The following ARHGAP39 variants were observed in gnomAD, a reference collection of about 807,000 sequenced individuals.
ARHGAP39 encodes the protein rho GTPase-activating protein 39.
ARHGAP39 carries 44 observed loss-of-function variants against 106.9 expected under a neutral mutation model. The ratio of observed to expected loss-of-function variants is 0.41; its 90% CI spans 0.32 to 0.53. The LOEUF is 0.53. Among genes scored for constraint, ARHGAP39 ranks in the 20% least tolerant of loss-of-function variants. ARHGAP39 has a pLI of 0.21. For synonymous variants in ARHGAP39, 768 were observed against 693.2 expected (o/e 1.11, Z -1.69); for missense variants, 1,496 against 1,577.3 (o/e 0.95, Z 0.87).
chr8:144,696,385 C>T, the ARHGAP39 span, among the ~76,000 whole-genome samples: 3 of 152,150 alleles, frequency 2.0e-5, no homozygotes, highest in Non-Finnish European at 4.4e-5. Context: ...GTGATCCACC[C>T]GCCTTGGCCT....
chr8:144,636,030 C>A (rs182826708), intron 1 of ARHGAP39, among the ~76,000 whole-genome samples: 1 of 109,286 alleles, frequency 9.2e-6, no homozygotes, highest in East Asian at 2.7e-4. Flanking sequence ...AGTGTGGGGA[C>A]TGAATTAGAG....
intron 4 of ARHGAP39, among the ~76,000 whole-genome samples, chr8:144,553,079 G>A (rs1817779556): frequency 6.6e-6 from 1 of 152,202 alleles, no homozygotes; most frequent in Non-Finnish European, 1.5e-5. Flanking sequence ...GCATGGCTGT[G>A]GCAGCTCACA....
chr8:144,550,729 G>T (rs1817659654), intron 4 of ARHGAP39, among the ~76,000 whole-genome samples: 1 of 152,370 alleles, frequency 6.6e-6, no homozygotes, highest in Admixed American at 6.5e-5. Flanking sequence ...GCTGGAGACT[G>T]CTCCCAGCCT....
chr8:144,560,495 A>G (rs552061207), intron 3 of ARHGAP39, among the ~76,000 whole-genome samples: 1 of 152,390 alleles, frequency 6.6e-6, no homozygotes, highest in Admixed American at 6.5e-5. Flanking sequence ...GGTGGTCAAT[A>G]TCTTCAAACA....
At chr8:144,545,936 C>T (rs1817401438) in intron 5 of ARHGAP39, 126 bp from the exon 6 acceptor site, 2 of 768,962 alleles carry the variant, frequency 2.6e-6, no homozygotes, top group Non-Finnish European at 4.0e-6. Flanking sequence ...GAGAGCCCTG[C>T]CCTGCTCACC....
the ARHGAP39 span, among the ~76,000 whole-genome samples, chr8:144,691,463 G>A: frequency 1.3e-5 from 2 of 152,172 alleles, no homozygotes; most frequent in African/African-American, 4.8e-5. Context: ...AGAGAACAGC[G>A]AAAGTGAGAC....
At chr8:144,531,073 G>C (rs1816690688) in intron 10 of ARHGAP39, among the ~76,000 whole-genome samples, 1 of 152,240 alleles carries the variant, frequency 6.6e-6, no homozygotes, top group African/African-American at 2.4e-5. Flanking sequence ...CTCGATCCTG[G>C]AGGCATGTGG....
intron 3 of ARHGAP39, among the ~76,000 whole-genome samples, chr8:144,562,041 GACTT>G (rs1418507902): frequency 2.3e-5 from 3 of 129,274 alleles, no homozygotes; most frequent in East Asian, 2.1e-4. Context: ...GTTTCCATCG[GACTT>G]ACTCCAGTGG....
At chr8:144,651,330 A>G (rs1821568433) in intron 1 of ARHGAP39, among the ~76,000 whole-genome samples, 1 of 152,212 alleles carries the variant, frequency 6.6e-6, no homozygotes, top group Non-Finnish European at 1.5e-5. Context: ...GCCATAATGT[A>G]CAAAGAAATT....
intron 8 of ARHGAP39, 45 bp from the exon 9 acceptor site, chr8:144,533,370 AG>A: frequency 6.3e-7 from 1 of 1,581,400 alleles, no homozygotes. Flanking sequence ...GGCCATCCTC[AG>A]GACCCCCCGC....
In ARHGAP39 at chr8:144,614,981, C is replaced by A. The variant is rs192464273; in HGVS notation, c.-81-9286G>T. Reference sequence around the variant, plus strand: ...CAATGATCAGTATGATGTTGAAAAACTAAGAGGAATCCTCAGCCCATCCTT... The same window carrying A: ...CAATGATCAGTATGATGTTGAAAAAATAAGAGGAATCCTCAGCCCATCCTT... On this transcript the variant is annotated intron_variant, in intron 1 of 11. Transcript: ENST00000377307. Among the ~76,000 whole-genome samples, 5 of 152,328 alleles carry A rather than the reference C, an allele frequency of 3.3e-5. No individual in the cohort carries two copies. In the East Asian group the frequency reaches 9.6e-4, roughly 29 times the overall value.
chr8:144,684,393 C>G lies in ARHGAP39; in HGVS notation c.-82+1293G>C, dbSNP rs1246629173. Among the ~76,000 whole-genome samples the G allele has an allele frequency of 6.6e-6, 1 of 152,230 alleles. No individual in the cohort carries two copies. Among genetic ancestry groups the G allele is most frequent in the Non-Finnish European group, 1.5e-5 (1 of 68,044 alleles). On this transcript the variant is annotated intron_variant, in intron 1 of 11. Transcript: ENST00000377307. This position sits in a 1 kb window ranked among gnomAD's most constrained non-coding sequence, Gnocchi z 4.4. Reference sequence around the variant, plus strand: ...TCTATAGAGGGCACCTAGGACGCAGCGTCCAATTCCCCTCACTGGCTTCAA... The same window carrying G: ...TCTATAGAGGGCACCTAGGACGCAGGGTCCAATTCCCCTCACTGGCTTCAA...
At chr8:144,566,613 T>G (rs938412917) in intron 3 of ARHGAP39, among the ~76,000 whole-genome samples, 1 of 152,138 alleles carries the variant, frequency 6.6e-6, no homozygotes, top group African/African-American at 2.4e-5. Context: ...CCCGGCACTT[T>G]GGGAGGCCAA....
Position 144,533,185 on chromosome 8 carries a change from C to T in ARHGAP39, c.2829G>A (p.Gln943=). The T allele has an allele frequency of 6.2e-7, 1 of 1,612,006 alleles. No homozygotes were observed. Among genetic ancestry groups the T allele is most frequent in the Non-Finnish European group, 8.5e-7 (1 of 1,179,870 alleles). Residue 943 remains glutamine, a synonymous_variant, in exon 9 of 12, where the codon CAG becomes CAA. Coordinates refer to ENST00000377307, the MANE Select transcript of ARHGAP39 (RefSeq NM_025251.3). ...RYPERQLPWV[Q]TRLSEEVLAL... ...CCAGCACCTCCTCAGAGAGCCGTGT[C>T]TGCACCCAGGGCAGCTGGCGCTCGG... is the stretch of plus-strand genomic sequence containing the variant.
Position 144,530,349 on chromosome 8 carries a change from G to C in ARHGAP39, c.*73C>G. On this transcript the variant is annotated 3_prime_UTR_variant, in exon 12 of 12. Coordinates refer to ENST00000377307, the MANE Select transcript of ARHGAP39 (RefSeq NM_025251.3). ...TGGGCCGGGCGATTCTGGCCCCTCTGCCGGGAGAGCGAGTGCGGAGTTCGG... is the reference window on the plus strand; with the variant it reads ...TGGGCCGGGCGATTCTGGCCCCTCTCCCGGGAGAGCGAGTGCGGAGTTCGG... 1 of 1,474,968 alleles carries C rather than the reference G, an allele frequency of 6.8e-7. No homozygotes were observed. The highest frequency in any genetic ancestry group is 1.3e-5 in the South Asian group (1 of 76,904). The allele number at this position is 1,474,968 out of a possible 1,614,324, so 91.4% of individuals were successfully genotyped here. A position where few individuals can be genotyped will look rare whatever the true frequency, so the allele number is the denominator to read the frequency against.
At chr8:144,609,961 T>C (rs1235098127) in intron 1 of ARHGAP39, among the ~76,000 whole-genome samples, 1 of 152,190 alleles carries the variant, frequency 6.6e-6, no homozygotes, top group Non-Finnish European at 1.5e-5. Flanking sequence ...ATGTAGTTTC[T>C]TTGTGGGAAG....
At chr8:144,665,277 G>C (rs546128897) in intron 1 of ARHGAP39, among the ~76,000 whole-genome samples, 1 of 152,308 alleles carries the variant, frequency 6.6e-6, no homozygotes, top group African/African-American at 2.4e-5. Flanking sequence ...GCTGTTAAAA[G>C]CATTCCACTT....
chr8:144,618,323 C>T (rs1460742670), intron 1 of ARHGAP39, among the ~76,000 whole-genome samples: 1 of 152,220 alleles, frequency 6.6e-6, no homozygotes, highest in East Asian at 1.9e-4. Flanking sequence ...GTCATGATCA[C>T]GTCCCGCCTC....
intron 1 of ARHGAP39, among the ~76,000 whole-genome samples, chr8:144,651,535 T>G (rs944291544): frequency 2.0e-5 from 3 of 152,094 alleles, no homozygotes; most frequent in Non-Finnish European, 2.9e-5. Flanking sequence ...AAACCCCATC[T>G]CTACCAAAAA....
Sources: allele counts gnomAD v4.1 joint callset (sites outside exome capture counted in the v4.1 genomes callset), GRCh38; gene constraint gnomAD v4.1.1; non-coding constraint Gnocchi (gnomAD v3.1); transcripts MANE v1.5; gene names NCBI Gene and HGNC (gene_info 2026-07-23, HGNC 2026-07-21).